Variants in CNTN5 observed in about 807,000 individuals in gnomAD.
CNTN5 encodes contactin-5.
A neutral mutation model predicts 129.1 loss-of-function variants in CNTN5; 77 were observed. The ratio of observed to expected loss-of-function variants is 0.60; its 90% confidence interval spans 0.50 to 0.72. CNTN5 has a LOEUF of 0.72. CNTN5 is among the 30% of genes least tolerant of loss of function. The pLI is 0.00. For missense variants in CNTN5, 1,478 were observed against 1,328.8 expected, an observed-to-expected ratio of 1.11 and a Z score of -1.75; for synonymous variants, 509 against 465.6, an observed-to-expected ratio of 1.09 and a Z score of -1.20.
At chr11:99,438,320 T>G (rs1457645685) in intron 2 of CNTN5, among the ~76,000 whole-genome samples, 1 of 152,176 alleles carries the variant, frequency 6.6e-6, no homozygotes, top group Non-Finnish European at 1.5e-5. Flanking sequence ...TATAAGGAAC[T>G]ATTCGTCTTA....
intron 21 of CNTN5, chr11:100,337,545 G>A (rs1952060765): frequency 1.3e-6 from 1 of 744,110 alleles, no homozygotes; most frequent in Non-Finnish European, 2.5e-6. Context: ...AGTCAAGCAA[G>A]CTGTGGATTT....
chr11:99,777,738 G>A (rs1429083829), intron 3 of CNTN5, among the ~76,000 whole-genome samples: 1 of 151,688 alleles, frequency 6.6e-6, no homozygotes, highest in East Asian at 1.9e-4. Context: ...GATTTTTAAT[G>A]CCAAAACATT....
chr11:100,198,903 G>T (rs1948711408), intron 15 of CNTN5, among the ~76,000 whole-genome samples: 1 of 151,780 alleles, frequency 6.6e-6, no homozygotes, highest in Admixed American at 6.6e-5. Context: ...GAAAACTCTA[G>T]CCTATATTAA....
intron 13 of CNTN5, among the ~76,000 whole-genome samples, chr11:100,130,912 T>C (rs1946353411): frequency 2.0e-5 from 3 of 152,050 alleles, no homozygotes; most frequent in African/African-American, 7.2e-5. Flanking sequence ...CCATCTCCCA[T>C]AAAAATTTTC....
intron 1 of CNTN5, among the ~76,000 whole-genome samples, chr11:99,319,865 A>G (rs1865492036): frequency 6.6e-6 from 1 of 152,162 alleles, no homozygotes. Context: ...CAAGAGTGGG[A>G]GTGGAAATGG....
rs188763359 is a variant in CNTN5, at chr11:99,445,764, T to C, written c.-70-110381T>C. Reference sequence around the variant, plus strand: ...GACGTAACATTATTTAATATGTGGTTCATAGAAGTTCCCCTCTCTTTTAAA... The same window carrying C: ...GACGTAACATTATTTAATATGTGGTCCATAGAAGTTCCCCTCTCTTTTAAA... On this transcript the variant is annotated intron_variant, in intron 2 of 24. Transcript: ENST00000524871. 4.8e-3 allele frequency among the ~76,000 whole-genome samples: 732 copies of C among 152,188 alleles called. 4 individuals are homozygous for C. The highest frequency in any genetic ancestry group is 0.01 in the Middle Eastern group (3 of 294).
At chr11:99,223,351 C>T (rs1486259744) in intron 1 of CNTN5, among the ~76,000 whole-genome samples, 2 of 152,136 alleles carry the variant, frequency 1.3e-5, no homozygotes, top group Non-Finnish European at 2.9e-5. Context: ...GTAGTTCTTA[C>T]TTTGTGCTAA....
chr11:99,784,219 T>C (rs1404004735), intron 3 of CNTN5, among the ~76,000 whole-genome samples: 1 of 152,088 alleles, frequency 6.6e-6, no homozygotes. Flanking sequence ...TAGGTATACA[T>C]GTGCCATGGT....
At chr11:99,848,277 C>A (rs548062442) in intron 6 of CNTN5, among the ~76,000 whole-genome samples, 1 of 152,168 alleles carries the variant, frequency 6.6e-6, no homozygotes, top group East Asian at 1.9e-4. Flanking sequence ...TTCTGAAGAC[C>A]AGGCTTGTAG....
Position 100,308,628 on chromosome 11 carries a change from A to T in CNTN5, c.2730+160A>T. The T allele has an allele frequency of 3.7e-6, 5 of 1,344,122 alleles. No homozygotes were observed. The South Asian group carries it at 9.6e-5, about 26-fold the overall frequency. 83.3% of individuals were successfully genotyped at this position (1,344,122 alleles called of 1,614,324 possible). The stretch of plus-strand genomic sequence containing the variant: ...AAATACTATTTTACTGGGATGTGTT[A>T]TGTTGCTCATTAACTGGTTTATTTT... On this transcript the variant is annotated intron_variant, in intron 21 of 24. Coordinates refer to ENST00000524871, the MANE Select transcript of CNTN5 (RefSeq NM_014361.4).
intron 2 of CNTN5, among the ~76,000 whole-genome samples, chr11:99,471,849 A>T (rs1945188916): frequency 3.3e-5 from 5 of 152,052 alleles, no homozygotes; most frequent in Admixed American, 3.3e-4. Flanking sequence ...ATGTCCAATC[A>T]CTCAGAAATT....
intron 3 of CNTN5, among the ~76,000 whole-genome samples, chr11:99,654,036 TAATG>T (rs896513969): frequency 6.6e-6 from 1 of 152,014 alleles, no homozygotes. Flanking sequence ...AAAAAGCCGT[TAATG>T]AATATTTTTA....
intron 3 of CNTN5, among the ~76,000 whole-genome samples, chr11:99,728,287 A>T (rs757124069): frequency 1.1e-4 from 16 of 152,176 alleles, no homozygotes; most frequent in Non-Finnish European, 1.2e-4. Flanking sequence ...GAGTGACTTG[A>T]GGTATTTTAA....
intron 16 of CNTN5, among the ~76,000 whole-genome samples, chr11:100,254,108 G>T (rs180923723): frequency 6.6e-6 from 1 of 152,142 alleles, no homozygotes; most frequent in East Asian, 1.9e-4. Context: ...CTGCTTTCCT[G>T]GTCTTGGTCC....
chr11:100,123,128 AT>A (rs921996442), intron 13 of CNTN5, among the ~76,000 whole-genome samples: 5 of 150,410 alleles, frequency 3.3e-5, no homozygotes, highest in South Asian at 2.1e-4. Context: ...TTCCGATACT[AT>A]TTTTTTTTCA....
intron 9 of CNTN5, among the ~76,000 whole-genome samples, chr11:100,024,444 G>A (rs1255333720): frequency 2.0e-5 from 3 of 152,020 alleles, no homozygotes; most frequent in African/African-American, 7.3e-5. Context: ...GTGGGGCACT[G>A]CTATAATGAT....
At chr11:99,973,469 T>A (rs187927136) in intron 8 of CNTN5, among the ~76,000 whole-genome samples, 1 of 152,302 alleles carries the variant, frequency 6.6e-6, no homozygotes, top group Non-Finnish European at 1.5e-5. Flanking sequence ...GAGAGCCTAT[T>A]TTCCTATGGT....
chr11:99,658,501 A>G (rs1056801858), intron 3 of CNTN5, among the ~76,000 whole-genome samples: 21 of 152,098 alleles, frequency 1.4e-4, no homozygotes, highest in African/African-American at 5.1e-4. Context: ...CAGAGTATAT[A>G]GTAAATATTT....
chr11:99,213,248 T>C (rs1859903123), intron 1 of CNTN5, among the ~76,000 whole-genome samples: 1 of 145,900 alleles, frequency 6.9e-6, no homozygotes, highest in Non-Finnish European at 1.5e-5. Flanking sequence ...TCTATATGTA[T>C]ACATATATAC....
Sources: gnomAD v4.1 joint callset for allele counts (sites outside exome capture counted in the v4.1 genomes callset) on GRCh38, gnomAD v4.1.1 for gene constraint, MANE v1.5 for transcripts, NCBI Gene and HGNC (gene_info 2026-07-23, HGNC 2026-07-21) for gene names.